Variants in UBA52 observed in about 807,000 individuals in gnomAD.
UBA52 encodes the protein ubiquitin A-52 residue ribosomal protein fusion product 1.
Under a neutral mutation model 15.3 loss-of-function variants are expected in UBA52, and 1 was observed. That is an observed-to-expected ratio of 0.07 (90% CI 0.02 to 0.31). UBA52 has a LOEUF of 0.31. Ranked by LOEUF, UBA52 falls within the 10% of genes least tolerant of loss-of-function variation. The pLI, the probability that UBA52 is intolerant of heterozygous loss-of-function variation, is 1.00. For missense variants in UBA52, 87 were observed against 168.0 expected, an observed-to-expected ratio of 0.52 and a Z score of 2.66; for synonymous variants, 50 against 58.3, an observed-to-expected ratio of 0.86 and a Z score of 0.65.
At chr19:18,572,756 T>C in intron 1 of UBA52, 1 of 992,992 alleles carries the variant, frequency 1.0e-6, no homozygotes, top group South Asian at 4.3e-5. Context: ...TTTGGTGTAA[T>C]TGAGAAGGAA....
At chr19:18,574,155 G>A (rs575714624) in intron 3 of UBA52, among the ~76,000 whole-genome samples, 21 of 151,376 alleles carry the variant, frequency 1.4e-4, no homozygotes, top group South Asian at 1.0e-3. Context: ...ATGGTGGTGC[G>A]TGCCTGTAGT....
intron 1 of UBA52, chr19:18,572,671 G>GTGAA: frequency 2.4e-6 from 1 of 419,680 alleles, no homozygotes; most frequent in Non-Finnish European, 3.2e-6. Flanking sequence ...TGTGAACAAT[G>GTGAA]CTTGGCAGGT....
chr19:18,571,209 C>G (rs1034506986), upstream of UBA52, among the ~76,000 whole-genome samples: 1 of 150,314 alleles, frequency 6.7e-6, no homozygotes, highest in Non-Finnish European at 1.5e-5. Context: ...ACTCGGGAGG[C>G]TGAGGCAGGA....
upstream of UBA52, among the ~76,000 whole-genome samples, chr19:18,567,762 G>A (rs1975323679): frequency 1.3e-5 from 2 of 152,194 alleles, no homozygotes; most frequent in African/African-American, 4.8e-5. Flanking sequence ...AAGGCCGACA[G>A]CTCTCCATCC....
rs1278820377 is a variant in UBA52, at chr19:18,573,300, C to G, written c.-1C>G. The G allele has an allele frequency of 6.2e-7, 1 of 1,614,152 alleles. No individual in the cohort carries two copies. Among genetic ancestry groups the G allele is most frequent in the African/African-American group, 1.3e-5 (1 of 75,044 alleles). On this transcript the variant is annotated 5_prime_UTR_variant, in exon 2 of 5. Coordinates refer to ENST00000442744, the MANE Select transcript of UBA52 (RefSeq NM_001033930.3). ...CCTCCCTTCCTCCTGCAGACGCAAA[C>G]ATGCAGATCTTTGTGAAGACCCTCA...
chr19:18,574,716 G>GT (rs1264190594), intron 3 of UBA52, among the ~76,000 whole-genome samples, 154 bp from the exon 4 acceptor site: 2 of 152,208 alleles, frequency 1.3e-5, no homozygotes, highest in African/African-American at 4.8e-5. Flanking sequence ...CTGGGACAGT[G>GT]TATCTTCCAC....
chr19:18,563,839 A>T, the UBA52 span, among the ~76,000 whole-genome samples: 2 of 150,448 alleles, frequency 1.3e-5, no homozygotes, highest in Non-Finnish European at 3.0e-5. Flanking sequence ...TGGTTTCACC[A>T]TGTTGGCCAG....
chr19:18,572,016 T>A (rs1975511623), intron 1 of UBA52, 107 bp downstream of exon 1: 1 of 152,012 alleles, frequency 6.6e-6, no homozygotes, highest in African/African-American at 2.4e-5. Context: ...CTCGGCAGGG[T>A]GGCTGGGCAG....
chr19:18,573,438 A>G (rs1253273347), intron 2 of UBA52, 35 bp downstream of exon 2: 2 of 1,563,824 alleles, frequency 1.3e-6, no homozygotes, highest in Non-Finnish European at 1.8e-6. Context: ...TCTGGCTGTG[A>G]ACTGGGAGTC....
upstream of UBA52, among the ~76,000 whole-genome samples, chr19:18,571,543 T>C (rs1192096090): frequency 2.0e-5 from 3 of 152,260 alleles, no homozygotes; most frequent in Non-Finnish European, 4.4e-5. Flanking sequence ...TTTGCTTTAT[T>C]AGAAAACATT....
In UBA52 at chr19:18,575,573, G is replaced by A. The variant is rs1434343538; in HGVS notation, c.*423G>A. 9.6e-6 allele frequency: 2 copies of A among 207,668 alleles called. No individual in the cohort carries two copies. The highest frequency in any genetic ancestry group is 5.3e-5 in the Admixed American group (1 of 18,956). The allele number at this position is 207,668 out of a possible 1,614,324, so 12.9% of individuals were successfully genotyped here. A position where few individuals can be genotyped will look rare whatever the true frequency, so the allele number is the denominator to read the frequency against. ...TAGAAAATTAGGTACACCCAATGGT[G>A]TAGAACGTTGATTCTCAAATTTTTT... On this transcript the variant is annotated 3_prime_UTR_variant, in exon 5 of 5. Transcript: ENST00000442744.
intron 2 of UBA52, 107 bp from the exon 3 acceptor site, chr19:18,573,555 T>A: frequency 1.5e-6 from 2 of 1,347,832 alleles, no homozygotes; most frequent in Non-Finnish European, 1.1e-6. Context: ...ATCTTCTACC[T>A]CAGTTGGCCT....
chr19:18,574,320 G>A (rs1309515249), intron 3 of UBA52, among the ~76,000 whole-genome samples: 1 of 151,866 alleles, frequency 6.6e-6, no homozygotes, highest in African/African-American at 2.4e-5. Context: ...GTGAGACAGA[G>A]TCTTACTCTG....
chr19:18,573,060 A>C, intron 1 of UBA52: 1 of 1,323,132 alleles, frequency 7.6e-7, no homozygotes, highest in Non-Finnish European at 9.9e-7. Context: ...TGCGGTCAGG[A>C]GGGTGGAGGA....
At chr19:18,567,223 T>A, upstream of UBA52, 7 of 1,602,732 alleles carry the variant, frequency 4.4e-6, no homozygotes, top group East Asian at 6.7e-5. Context: ...GTCAGCACTC[T>A]CCACCCAGGG....
chr19:18,575,241 A>G lies in UBA52; in HGVS notation c.*91A>G, dbSNP rs777090154. The G allele has an allele frequency of 7.3e-5, 108 of 1,485,534 alleles. No homozygotes were observed. The highest frequency in any genetic ancestry group is 9.6e-5 in the Non-Finnish European group (104 of 1,080,508). The allele number at this position is 1,485,534 out of a possible 1,614,324, so 92.0% of individuals were successfully genotyped here. A position where few individuals can be genotyped will look rare whatever the true frequency, so the allele number is the denominator to read the frequency against. ...GTCCCTTTCATTGACTGGAGCAGCAATTGGTGTCCTCATGGCTGATCTGTC... is the reference window on the plus strand; with the variant it reads ...GTCCCTTTCATTGACTGGAGCAGCAGTTGGTGTCCTCATGGCTGATCTGTC... On this transcript the variant is annotated 3_prime_UTR_variant, in exon 5 of 5. Transcript: ENST00000442744.
At chr19:18,567,596 C>T (rs375382662), upstream of UBA52, among the ~76,000 whole-genome samples, 81 of 152,266 alleles carry the variant, frequency 5.3e-4, no homozygotes, top group Middle Eastern at 0.014. Context: ...TGAGTATCAC[C>T]GTTTCATGGA....
rs1035662336 is a variant in UBA52 at position 18,577,164 on chromosome 19, A to T, written c.*2014A>T. On this transcript the variant is annotated 3_prime_UTR_variant, in exon 5 of 5. Transcript: ENST00000442744. ...AGCCGGTGCACGAGGCCAGTGATGC[A>T]TCCTAATGAGGGGTGGAGTTGGCGG... is the stretch of plus-strand genomic sequence containing the variant. The T allele has an allele frequency of 3.3e-5, 5 of 151,830 alleles. No homozygotes were observed. Among genetic ancestry groups the T allele is most frequent in the African/African-American group, 7.3e-5 (3 of 41,292 alleles). 9.4% of individuals were successfully genotyped at this position (151,830 alleles called of 1,614,324 possible).
At chr19:18,568,818 TTCC>T, upstream of UBA52, 1 of 594,840 alleles carries the variant, frequency 1.7e-6, no homozygotes, top group Non-Finnish European at 3.0e-6. Flanking sequence ...TTCTGGCTCC[TTCC>T]TTCCTCAGAA....
Sources: allele counts gnomAD v4.1 joint callset (sites outside exome capture counted in the v4.1 genomes callset), GRCh38; gene constraint gnomAD v4.1.1; transcripts MANE v1.5; gene names NCBI Gene and HGNC (gene_info 2026-07-23, HGNC 2026-07-21).